LOXHD1: variants seen among roughly 807,000 people sequenced by gnomAD.
The protein encoded by LOXHD1 is lipoxygenase homology domain-containing protein 1.
LOXHD1 carries 205 observed loss-of-function variants against 248.2 expected under a neutral mutation model. The observed-to-expected ratio is 0.83, with a 90% CI of 0.74 to 0.93. The LOEUF is 0.93. LOXHD1 is among the 40% of genes least tolerant of loss of function. LOXHD1 has a pLI of 0.00. For missense variants in LOXHD1, 2,930 were observed against 2,971.6 expected, an observed-to-expected ratio of 0.99 and a Z score of 0.33; for synonymous variants, 1,113 against 1,162.8, an observed-to-expected ratio of 0.96 and a Z score of 0.87.
In LOXHD1 at chr18:46,560,512, G is replaced by A; in HGVS notation, c.2632C>T (p.Leu878Phe). ...CCCTCGCCCGTGTGCCCGAGCCGGA[G>A]CTTATAGACCTCGCCCACGTCGGCC... is the stretch of plus-strand genomic sequence containing the variant. The part of the protein sequence containing the change: ...EAADVGEVYK[L>F]RLGHTGEGFG... Residue 878 changes from leucine (L) to phenylalanine (F), a missense_variant, in exon 19 of 41, where the codon CTC (leucine) becomes TTC (phenylalanine). Physicochemically the swap from Leu to Phe is conservative, Grantham distance 22 (BLOSUM62 0). Coordinates refer to ENST00000642948, the MANE Select transcript of LOXHD1 (RefSeq NM_001384474.1). The A allele has an allele frequency of 1.3e-6, 2 of 1,536,030 alleles. No individual in the cohort carries two copies. Among genetic ancestry groups the A allele is most frequent in the Non-Finnish European group, 1.7e-6 (2 of 1,145,722 alleles).
intron 1 of LOXHD1, among the ~76,000 whole-genome samples, chr18:46,655,561 T>C (rs1450953188): frequency 2.6e-5 from 4 of 152,168 alleles, no homozygotes; most frequent in South Asian, 2.1e-4. Flanking sequence ...GGGTCAGAGC[T>C]TGAGGCACAT....
intron 5 of LOXHD1, among the ~76,000 whole-genome samples, chr18:46,612,853 C>T (rs149600998): frequency 3.9e-5 from 6 of 152,186 alleles, no homozygotes; most frequent in Admixed American, 2.6e-4. Flanking sequence ...TACCAGTAAT[C>T]GAACATTTCA....
rs145213805 is a variant in LOXHD1, at chr18:46,486,486, A to G, written c.6050-1335T>C. On this transcript the variant is annotated intron_variant, in intron 38 of 40. Transcript: ENST00000642948. ...CAGCCTCTGATAGAGGAAGAGATCC[A>G]CAGAAAGTGCATCCTTCTGCAGTAG... Among the ~76,000 whole-genome samples the G allele has an allele frequency of 2.6e-5, 4 of 152,340 alleles. No individual in the cohort carries two copies. In the East Asian group the frequency reaches 7.7e-4, roughly 29 times the overall value.
chr18:46,656,871 A>C, intron 1 of LOXHD1, 33 bp downstream of exon 1: 2 of 1,548,240 alleles, frequency 1.3e-6, no homozygotes, highest in Non-Finnish European at 1.7e-6. Flanking sequence ...AGCCAGCTGC[A>C]CCACCCGCCC....
intron 12 of LOXHD1, among the ~76,000 whole-genome samples, chr18:46,580,739 G>A (rs2037946008): frequency 6.6e-6 from 1 of 152,334 alleles, no homozygotes; most frequent in South Asian, 2.1e-4. Flanking sequence ...ACATCTTGGA[G>A]TGGTAAGGAG....
Position 46,483,627 on chromosome 18 carries a change from C to T in LOXHD1, c.6301G>A (p.Val2101Ile). Residue 2101 changes from valine to isoleucine, a missense_variant, in exon 40 of 41, where the codon GTC becomes ATC. Val to Ile is a conservative substitution (Grantham distance 29). Transcript: ENST00000642948. The part of the protein sequence containing the change: ...FIPKRELAWH[V>I]KTITITEMEY... ...ATCTCGGTGATGGTGATGGTCTTGA[C>T]ATGCCAGGCAAGTTCTCTCTTGGGG... 1 of 1,551,582 alleles carries T rather than the reference C, an allele frequency of 6.4e-7. No homozygotes were observed. The highest frequency in any genetic ancestry group is 8.7e-7 in the Non-Finnish European group (1 of 1,146,970).
chr18:46,491,573 TGCGTGAGTGTGA>T (rs2033478740), intron 37 of LOXHD1, among the ~76,000 whole-genome samples: 1 of 152,214 alleles, frequency 6.6e-6, no homozygotes, highest in Admixed American at 6.5e-5. Flanking sequence ...TGTGATTGCA[TGCGTGAGTGTGA>T]GCATGAGTAT....
At chr18:46,510,588 G>T (rs769005797) in intron 34 of LOXHD1, among the ~76,000 whole-genome samples, 4 of 152,194 alleles carry the variant, frequency 2.6e-5, no homozygotes, top group Non-Finnish European at 2.9e-5. Context: ...GGCCCTCGGG[G>T]TAATGCAGGT....
chr18:46,542,996 G>T, intron 23 of LOXHD1, 141 bp from the exon 24 acceptor site: 1 of 1,209,604 alleles, frequency 8.3e-7, no homozygotes, highest in Non-Finnish European at 1.1e-6. Context: ...ATCATCCATT[G>T]GCCACCTTTG....
In LOXHD1 at chr18:46,640,757, G is replaced by A. The variant is rs114148463; in HGVS notation, c.327-957C>T. On this transcript the variant is annotated intron_variant, in intron 3 of 40. Transcript: ENST00000642948. ...CATATGGTCAGGGGCTACTGCACTGGGCAGTATAGATTCAGACTCTTCAAA... is the reference window on the plus strand; with the variant it reads ...CATATGGTCAGGGGCTACTGCACTGAGCAGTATAGATTCAGACTCTTCAAA... Among the ~76,000 whole-genome samples, 942 of 152,192 alleles carry A rather than the reference G, an allele frequency of 6.2e-3. 12 individuals are homozygous for A. The highest frequency in any genetic ancestry group is 0.022 in the African/African-American group (898 of 41,500).
At chr18:46,644,469 GT>G (rs550037830) in intron 2 of LOXHD1, among the ~76,000 whole-genome samples, 37 of 152,336 alleles carry the variant, frequency 2.4e-4, no homozygotes, top group African/African-American at 8.9e-4. Flanking sequence ...TATAATCACA[GT>G]GCCTCGAGAG....
rs866682915 is a variant in LOXHD1 at position 46,603,090 on chromosome 18, G to C, written c.883+1016C>G. ...AGAGGAGCATTTAGGCTTCTGAACA[G>C]CAGCAATAAAGGTCTGCCAAGGAGC... On this transcript the variant is annotated intron_variant, in intron 7 of 40. Transcript: ENST00000642948. Among the ~76,000 whole-genome samples the C allele has an allele frequency of 5.9e-5, 9 of 152,240 alleles. No individual in the cohort carries two copies. In the South Asian group the frequency reaches 1.2e-3, roughly 21 times the overall value.
chr18:46,651,595 C>G (rs1353253588), intron 1 of LOXHD1, among the ~76,000 whole-genome samples: 1 of 151,824 alleles, frequency 6.6e-6, no homozygotes, highest in Non-Finnish European at 1.5e-5. Flanking sequence ...GAATGAAAAA[C>G]TAGTCAATAG....
At chr18:46,543,339 A>G (rs2036647295) in intron 23 of LOXHD1, among the ~76,000 whole-genome samples, 1 of 152,204 alleles carries the variant, frequency 6.6e-6, no homozygotes, top group African/African-American at 2.4e-5. Context: ...TTGTTGTATA[A>G]GACATTATTT....
chr18:46,604,280 C>T (rs757137406), intron 6 of LOXHD1, 51 bp from the exon 7 acceptor site: 1 of 1,546,478 alleles, frequency 6.5e-7, no homozygotes, highest in Non-Finnish European at 8.7e-7. Flanking sequence ...GTTGAGGGTG[C>T]ACCTGGAGAT....
At chr18:46,521,343 T>TGCCCA in intron 32 of LOXHD1, 61 bp from the exon 33 acceptor site, 1 of 1,530,026 alleles carries the variant, frequency 6.5e-7, no homozygotes, top group Non-Finnish European at 8.9e-7. Flanking sequence ...AAGTGCTCCC[T>TGCCCA]GCCCAGCCCC....
intron 4 of LOXHD1, among the ~76,000 whole-genome samples, chr18:46,628,331 T>A (rs1362445602): frequency 2.0e-5 from 3 of 152,160 alleles, no homozygotes; most frequent in African/African-American, 4.8e-5. Flanking sequence ...GGAGCTGCTG[T>A]GAGCTTCAGT....
At chr18:46,654,372 TC>T (rs1568237095) in intron 1 of LOXHD1, among the ~76,000 whole-genome samples, 3 of 152,244 alleles carry the variant, frequency 2.0e-5, no homozygotes, top group African/African-American at 2.4e-5. Context: ...GCTGGGGGAC[TC>T]CTGTCTAGGA....
At chr18:46,542,331 G>A (rs2036599145) in intron 24 of LOXHD1, among the ~76,000 whole-genome samples, 1 of 152,158 alleles carries the variant, frequency 6.6e-6, no homozygotes, top group Non-Finnish European at 1.5e-5. Flanking sequence ...CTTACCCAAT[G>A]ATAGGAATGA....
Sources: allele counts gnomAD v4.1 joint callset (sites outside exome capture counted in the v4.1 genomes callset), GRCh38; gene constraint gnomAD v4.1.1; transcripts MANE v1.5; gene names NCBI Gene and HGNC (gene_info 2026-07-23, HGNC 2026-07-21).